GTF2E2: variants seen among roughly 807,000 people sequenced by gnomAD.
GTF2E2 encodes the protein general transcription factor IIE subunit 2.
GTF2E2 carries 21 observed loss-of-function variants against 40.5 expected under a neutral mutation model. That is an observed-to-expected ratio of 0.52 (90% confidence interval 0.37 to 0.75). The LOEUF is 0.75. GTF2E2 is among the 30% of genes least tolerant of loss of function. GTF2E2 has a pLI of 0.00. For synonymous variants in GTF2E2, 117 were observed against 121.6 expected (o/e 0.96, Z 0.25); for missense variants, 298 against 338.4 (o/e 0.88, Z 0.94).
intron 6 of GTF2E2, among the ~76,000 whole-genome samples, chr8:30,595,724 C>T (rs530194297): frequency 4.6e-5 from 7 of 152,046 alleles, no homozygotes; most frequent in African/African-American, 4.8e-5. Context: ...CCTAGCTACT[C>T]AGGAGGCTGA....
intron 4 of GTF2E2, among the ~76,000 whole-genome samples, chr8:30,613,118 A>C (rs1471737407): frequency 1.3e-5 from 2 of 152,242 alleles, no homozygotes; most frequent in East Asian, 3.8e-4. Context: ...ATGTGTAGGA[A>C]TCAATAAAAC....
intron 6 of GTF2E2, among the ~76,000 whole-genome samples, chr8:30,581,250 C>T (rs1828508584): frequency 6.6e-6 from 1 of 152,188 alleles, no homozygotes; most frequent in Non-Finnish European, 1.5e-5. Flanking sequence ...CTGCCCCACG[C>T]ACTGAGGGGA....
At chr8:30,650,596 G>A (rs934035224) in intron 2 of GTF2E2, among the ~76,000 whole-genome samples, 16 of 152,022 alleles carry the variant, frequency 1.1e-4, no homozygotes, top group Non-Finnish European at 2.4e-4. Flanking sequence ...CAGCTACCCG[G>A]GAGACTGAGG....
intron 3 of GTF2E2, among the ~76,000 whole-genome samples, chr8:30,633,623 C>T (rs183683589): frequency 6.6e-6 from 1 of 152,098 alleles, no homozygotes; most frequent in Non-Finnish European, 1.5e-5. Context: ...ATAAGTAAGC[C>T]ACATAGGGAA....
At chr8:30,590,218 T>C (rs1467892932) in intron 6 of GTF2E2, among the ~76,000 whole-genome samples, 1 of 152,228 alleles carries the variant, frequency 6.6e-6, no homozygotes, top group Admixed American at 6.5e-5. Flanking sequence ...GCTTCCCTCA[T>C]GAGGCACGAT....
chr8:30,639,875 C>T (rs1801753000), intron 2 of GTF2E2, among the ~76,000 whole-genome samples: 1 of 151,952 alleles, frequency 6.6e-6, no homozygotes, highest in South Asian at 2.1e-4. Context: ...GATACTAGAT[C>T]TGTCCAGGTT....
chr8:30,646,065 A>G (rs16877241), intron 2 of GTF2E2: 29,243 of 152,382 alleles, frequency 0.19, 3,540 homozygotes, highest in East Asian at 0.43. Context: ...AGTATTTTCT[A>G]ATTTACTGAA....
At chr8:30,613,541 A>G (rs1437089296) in intron 4 of GTF2E2, among the ~76,000 whole-genome samples, 1 of 152,210 alleles carries the variant, frequency 6.6e-6, no homozygotes, top group South Asian at 2.1e-4. Flanking sequence ...AGAATAGTAA[A>G]ATGATCAAAG....
chr8:30,637,793 T>A (rs924239772), intron 2 of GTF2E2, among the ~76,000 whole-genome samples: 1 of 152,214 alleles, frequency 6.6e-6, no homozygotes, highest in Admixed American at 6.5e-5. Context: ...AGTGCTGGGA[T>A]TACAGGCATG....
intron 3 of GTF2E2, among the ~76,000 whole-genome samples, chr8:30,615,134 C>T (rs560516968): frequency 6.6e-6 from 1 of 152,030 alleles, no homozygotes; most frequent in Non-Finnish European, 1.5e-5. Flanking sequence ...TAAAAATCAG[C>T]CGTGCATGGT....
chr8:30,613,759 G>C (rs924602657), intron 4 of GTF2E2, among the ~76,000 whole-genome samples: 1 of 152,174 alleles, frequency 6.6e-6, no homozygotes, highest in African/African-American at 2.4e-5. Context: ...TTTACATTTG[G>C]TTTCTAGAAT....
At chr8:30,599,362 A>G (rs1244393733) in intron 6 of GTF2E2, among the ~76,000 whole-genome samples, 1 of 151,892 alleles carries the variant, frequency 6.6e-6, no homozygotes, top group East Asian at 2.0e-4. Flanking sequence ...AAATCACTTG[A>G]GGTCAGGAGT....
At chr8:30,598,374 A>G (rs1288467383) in intron 6 of GTF2E2, among the ~76,000 whole-genome samples, 1 of 152,220 alleles carries the variant, frequency 6.6e-6, no homozygotes, top group Non-Finnish European at 1.5e-5. Flanking sequence ...TGGAAAGCTG[A>G]TCTGTATATT....
intron 3 of GTF2E2, among the ~76,000 whole-genome samples, chr8:30,616,825 T>G (rs1173836719): frequency 1.3e-5 from 2 of 152,126 alleles, no homozygotes; most frequent in Admixed American, 6.5e-5. Context: ...AAAGTGTTTT[T>G]TAAAGTAAAT....
chr8:30,645,194 C>T (rs970261642), intron 2 of GTF2E2: 2 of 1,178,290 alleles, frequency 1.7e-6, no homozygotes, highest in African/African-American at 1.6e-5. Context: ...GTTGCCTATA[C>T]AAATTTACTA....
rs75871833 is a variant in GTF2E2 at position 30,654,749 on chromosome 8, A to G, written c.-4-1147T>C. On this transcript the variant is annotated intron_variant, in intron 1 of 7. Transcript: ENST00000355904. ...CGTGTGGCTCACACTTCCCACTCCC[A>G]TTATATTTCTATTGGACAACACTGC... 3.1e-4 allele frequency among the ~76,000 whole-genome samples: 47 copies of G among 152,216 alleles called. No individual in the cohort carries two copies. In the East Asian group the frequency reaches 8.3e-3, roughly 27 times the overall value.
intron 6 of GTF2E2, among the ~76,000 whole-genome samples, chr8:30,586,513 C>A (rs2151108589): frequency 6.6e-6 from 1 of 152,274 alleles, no homozygotes; most frequent in East Asian, 1.9e-4. Flanking sequence ...ATTCCAATGT[C>A]ATTTTTCACA....
At chr8:30,580,467 G>T (rs554107257) in intron 6 of GTF2E2, 71 bp from the exon 7 acceptor site, 1 of 870,378 alleles carries the variant, frequency 1.1e-6, no homozygotes, top group Non-Finnish European at 1.9e-6. Flanking sequence ...CAAAATCCAG[G>T]TTTCAGTGTT....
intron 3 of GTF2E2, among the ~76,000 whole-genome samples, chr8:30,622,130 C>T (rs7841966): frequency 0.059 from 1,514 of 25,798 alleles, 58 homozygotes; most frequent in African/African-American, 0.32. Flanking sequence ...CCCCTCCCCC[C>T]ACCCACAACA....
Sources: allele counts gnomAD v4.1 joint callset (sites outside exome capture counted in the v4.1 genomes callset), GRCh38; gene constraint gnomAD v4.1.1; transcripts MANE v1.5; gene names NCBI Gene and HGNC (gene_info 2026-07-23, HGNC 2026-07-21).